JDP2: variants seen among roughly 807,000 people sequenced by gnomAD.
The protein encoded by JDP2 is Jun dimerization protein 2.
In JDP2, 9 loss-of-function variants were observed where a neutral mutation model predicts 17.1. The ratio of observed to expected loss-of-function variants is 0.53; its 90% CI spans 0.32 to 0.92. The LOEUF is 0.92. Ranked by LOEUF, JDP2 falls within the 40% of genes least tolerant of loss-of-function variation. The pLI, the probability that JDP2 is intolerant of heterozygous loss-of-function variation, is 0.04. For synonymous variants in JDP2, 107 were observed against 95.6 expected (o/e 1.12, Z -0.69); for missense variants, 179 against 220.0 (o/e 0.81, Z 1.18).
rs1410302875 is a variant in JDP2, at chr14:75,438,122, G to A, written c.201+1G>A. 6.2e-7 allele frequency: 1 copy of A among 1,602,208 alleles called. No individual in the cohort carries two copies. The highest frequency in any genetic ancestry group is 8.5e-7 in the Non-Finnish European group (1 of 1,172,376). On this transcript the variant is annotated splice_donor_variant, in intron 2 of 3. Transcript: ENST00000651602. LOFTEE classifies it high-confidence loss of function. ...GAGGCCCCAGCCCGTGAAAAGTGAGGTGAGCGAGCCTTTTACCCCTGGCAG... is the reference window on the plus strand; with the variant it reads ...GAGGCCCCAGCCCGTGAAAAGTGAGATGAGCGAGCCTTTTACCCCTGGCAG...
Position 75,438,783 on chromosome 14 carries a change from C to T in JDP2, c.201+662C>T, listed in dbSNP as rs373784523. Among the ~76,000 whole-genome samples the T allele has an allele frequency of 2.1e-4, 32 of 152,366 alleles. No individual in the cohort carries two copies. The South Asian group carries it at 6.6e-3, about 32-fold the overall frequency. On this transcript the variant is annotated intron_variant, in intron 2 of 3. Coordinates refer to ENST00000651602, the MANE Select transcript of JDP2 (RefSeq NM_001135048.2). ...CTCCTCAGGTCCCTTGCACCTGCAG[C>T]TCTCATGAGCCCTTTTTCTCGGGGC...
At chr14:75,438,590 C>T (rs1490309587) in intron 2 of JDP2, among the ~76,000 whole-genome samples, 1 of 152,216 alleles carries the variant, frequency 6.6e-6, no homozygotes, top group East Asian at 1.9e-4. Context: ...CCTCTTGGCC[C>T]TTTCTGCAGC....
chr14:75,469,316 C>T lies in JDP2; in HGVS notation c.333C>T (p.Asn111=), dbSNP rs763812346. ...AATCCGAGCGGCTGGAACTCATGAA[C>T]GCAGAGCTGAAGACCCAGATTGAGG... is the stretch of plus-strand genomic sequence containing the variant. The part of the protein sequence containing the change: ...QRESERLELM[N]AELKTQIEEL... The change falls in exon 4 of 4, where the codon AAC becomes AAT. Residue 111 remains asparagine, a synonymous_variant. Transcript: ENST00000651602. 21 of 1,613,960 alleles carry T rather than the reference C, an allele frequency of 1.3e-5. No individual in the cohort carries two copies. Among genetic ancestry groups the T allele is most frequent in the East Asian group, 1.1e-4 (5 of 44,896 alleles).
Position 75,471,812 on chromosome 14 carries a change from C to A in JDP2, c.*2337C>A. ...GTCGGTCCGGACGATGCAGGTGAGG[C>A]AGTGTCAGTTCTGCATCAGGAACCC... On this transcript the variant is annotated 3_prime_UTR_variant, in exon 4 of 4. Coordinates refer to ENST00000651602, the MANE Select transcript of JDP2 (RefSeq NM_001135048.2). 6.4e-6 allele frequency: 1 copy of A among 156,590 alleles called. No homozygotes were observed. The highest frequency in any genetic ancestry group is 1.4e-5 in the Non-Finnish European group (1 of 69,876). The allele number at this position is 156,590 out of a possible 1,614,324, so 9.7% of individuals were successfully genotyped here. A position where few individuals can be genotyped will look rare whatever the true frequency, so the allele number is the denominator to read the frequency against.
chr14:75,434,922 C>G (rs761368060), intron 1 of JDP2, among the ~76,000 whole-genome samples: 1 of 152,190 alleles, frequency 6.6e-6, no homozygotes, highest in African/African-American at 2.4e-5. Flanking sequence ...TTCATTTATT[C>G]ACTTAGTTAT....
intron 2 of JDP2, among the ~76,000 whole-genome samples, chr14:75,458,833 C>G (rs1056981109): frequency 2.6e-5 from 4 of 152,166 alleles, no homozygotes; most frequent in African/African-American, 9.7e-5. Flanking sequence ...GGAAGGATAT[C>G]TCACTCAAGG....
chr14:75,450,883 G>A lies in JDP2; in HGVS notation c.202-10543G>A, dbSNP rs377676709. ...TATAATACAGTAGGGGCCAGGATAC[G>A]CTCAGAGCAGAGGGACACCTCCTCA... On this transcript the variant is annotated intron_variant, in intron 2 of 3. Transcript: ENST00000651602. 3.9e-5 allele frequency among the ~76,000 whole-genome samples: 6 copies of A among 152,314 alleles called. No individual in the cohort carries two copies. In the East Asian group the frequency reaches 9.7e-4, roughly 25 times the overall value.
At position 75,469,586 on chromosome 14, in the gene JDP2, C is replaced by A; in HGVS notation, c.*111C>A. On this transcript the variant is annotated 3_prime_UTR_variant, in exon 4 of 4. Coordinates refer to ENST00000651602, the MANE Select transcript of JDP2 (RefSeq NM_001135048.2). ...TTCCTTTGGTGCATGAAAAACTGTA[C>A]AATGAGGTTCAGCACAGCCAGCATC... 1 of 912,558 alleles carries A rather than the reference C, an allele frequency of 1.1e-6. No homozygotes were observed. The highest frequency in any genetic ancestry group is 1.6e-6 in the Non-Finnish European group (1 of 608,624). 56.5% of individuals were successfully genotyped at this position (912,558 alleles called of 1,614,324 possible).
chr14:75,436,087 G>T (rs1384687555), intron 1 of JDP2, among the ~76,000 whole-genome samples: 1 of 152,210 alleles, frequency 6.6e-6, no homozygotes, highest in Non-Finnish European at 1.5e-5. Context: ...TAGAGAAATA[G>T]AACTTATTGG....
At chr14:75,465,918 C>T (rs1009287753) in intron 3 of JDP2, among the ~76,000 whole-genome samples, 1 of 152,066 alleles carries the variant, frequency 6.6e-6, no homozygotes, top group African/African-American at 2.4e-5. Context: ...AAAATGCAGC[C>T]GGAGGTATAT....
intron 2 of JDP2, among the ~76,000 whole-genome samples, chr14:75,453,119 C>T (rs1885941866): frequency 6.6e-6 from 1 of 150,914 alleles, no homozygotes; most frequent in Non-Finnish European, 1.5e-5. Flanking sequence ...GCCTAGCCGG[C>T]TGGGCAGGCT....
At chr14:75,458,781 G>A (rs544580558) in intron 2 of JDP2, among the ~76,000 whole-genome samples, 1 of 152,294 alleles carries the variant, frequency 6.6e-6, no homozygotes, top group East Asian at 1.9e-4. Flanking sequence ...AGGAGGTGAT[G>A]TTTACTCTCG....
At chr14:75,442,833 G>A (rs540120586) in intron 2 of JDP2, among the ~76,000 whole-genome samples, 1 of 152,156 alleles carries the variant, frequency 6.6e-6, no homozygotes, top group Non-Finnish European at 1.5e-5. Flanking sequence ...CTACTTTTGG[G>A]AATGTGACTC....
At chr14:75,458,235 C>T (rs936403814) in intron 2 of JDP2, among the ~76,000 whole-genome samples, 12 of 152,114 alleles carry the variant, frequency 7.9e-5, no homozygotes, top group Non-Finnish European at 1.8e-4. Context: ...ATTCATGTCA[C>T]GAGGGTTTGT....
rs1395588122 is a variant in JDP2 at position 75,470,341 on chromosome 14, T to G, written c.*866T>G. On this transcript the variant is annotated 3_prime_UTR_variant, in exon 4 of 4. Transcript: ENST00000651602. Reference sequence around the variant, plus strand: ...GCCGTTGTGTGTAACTCCTAAGTACTGTAGTCTCTGGGTGTCGGGGGTGGC... The same window carrying G: ...GCCGTTGTGTGTAACTCCTAAGTACGGTAGTCTCTGGGTGTCGGGGGTGGC... 1 of 152,032 alleles carries G rather than the reference T, an allele frequency of 6.6e-6. No homozygotes were observed. Among genetic ancestry groups the G allele is most frequent in the Non-Finnish European group, 1.5e-5 (1 of 67,936 alleles). The allele number at this position is 152,032 out of a possible 1,614,324, so 9.4% of individuals were successfully genotyped here. A position where few individuals can be genotyped will look rare whatever the true frequency, so the allele number is the denominator to read the frequency against.
chr14:75,447,180 T>C (rs1885640406), intron 2 of JDP2, among the ~76,000 whole-genome samples: 4 of 152,238 alleles, frequency 2.6e-5, no homozygotes, highest in Admixed American at 2.0e-4. Context: ...TGGCAGGTGT[T>C]CTAACCTGTA....
chr14:75,466,830 T>C (rs945268828), intron 3 of JDP2, among the ~76,000 whole-genome samples: 12 of 152,224 alleles, frequency 7.9e-5, no homozygotes, highest in African/African-American at 2.9e-4. Flanking sequence ...ATTGGGTTCA[T>C]AGTCAGCTCT....
intron 2 of JDP2, among the ~76,000 whole-genome samples, chr14:75,456,293 C>T (rs1886102987): frequency 6.6e-6 from 1 of 152,232 alleles, no homozygotes; most frequent in African/African-American, 2.4e-5. Flanking sequence ...CTGCATGTTT[C>T]TCTCCCTGTG....
At chr14:75,438,161 C>A in intron 2 of JDP2, 40 bp downstream of exon 2, 2 of 1,484,706 alleles carry the variant, frequency 1.3e-6, no homozygotes, top group South Asian at 1.3e-5. Flanking sequence ...CCAGGTCTGG[C>A]CTTAAACCCA....
Sources: gnomAD v4.1 joint callset for allele counts (sites outside exome capture counted in the v4.1 genomes callset) on GRCh38, gnomAD v4.1.1 for gene constraint, MANE v1.5 for transcripts, NCBI Gene and HGNC (gene_info 2026-07-23, HGNC 2026-07-21) for gene names.